Variants in ZFTA observed in about 807,000 individuals in gnomAD.
ZFTA encodes the protein zinc finger translocation-associated protein.
ZFTA carries 35 observed loss-of-function variants against 41.8 expected under a neutral mutation model. The ratio of observed to expected loss-of-function variants is 0.84; its 90% CI spans 0.64 to 1.11. The LOEUF (loss-of-function observed/expected upper bound fraction) is 1.11, where lower values mean the gene tolerates loss of function less well. Among genes scored for constraint, ZFTA ranks in the 50% most tolerant of loss-of-function variants. ZFTA has a pLI of 0.00. For synonymous variants in ZFTA, 514 were observed against 436.4 expected, an observed-to-expected ratio of 1.18 and a Z score of -2.22; for missense variants, 964 against 989.8, an observed-to-expected ratio of 0.97 and a Z score of 0.35.
At position 63,766,060 on chromosome 11, in the gene ZFTA, C is replaced by T; in HGVS notation, c.384G>A (p.Val128=). The change falls in exon 2 of 5, where the codon GTG becomes GTA. Residue 128 remains valine, a synonymous_variant. Coordinates refer to ENST00000433688, the MANE Select transcript of ZFTA (RefSeq NM_001144936.2). ...NPARHGMVCM[V]CGSSLATLKL... ...TGAGGGTGGCCAGGGAGCTGCCGCA[C>T]ACCATGCACACCATGCCGTGCCGGG... The T allele has an allele frequency of 6.5e-7, 1 of 1,545,540 alleles. No homozygotes were observed. The highest frequency in any genetic ancestry group is 1.2e-5 in the South Asian group (1 of 83,262).
rs2014680595 is a variant in ZFTA at position 63,763,321 on chromosome 11, G to T, written c.*97C>A. 3.2e-6 allele frequency: 3 copies of T among 946,616 alleles called. No homozygotes were observed. Among genetic ancestry groups the T allele is most frequent in the Non-Finnish European group, 4.0e-6 (3 of 759,208 alleles). 58.6% of individuals were successfully genotyped at this position (946,616 alleles called of 1,614,324 possible). A position where few individuals can be genotyped will look rare whatever the true frequency, so the allele number is the denominator to read the frequency against. Reference sequence around the variant, plus strand: ...CGCGGCCGCGGGAAGCGCTAACACCGGACGCGAGGGTCTCCCAGCCGAAGG... The same window carrying T: ...CGCGGCCGCGGGAAGCGCTAACACCTGACGCGAGGGTCTCCCAGCCGAAGG... On this transcript the variant is annotated 3_prime_UTR_variant, in exon 5 of 5. Coordinates refer to ENST00000433688, the MANE Select transcript of ZFTA (RefSeq NM_001144936.2).
At chr11:63,766,386 A>T (rs1391454983) in intron 1 of ZFTA, 82 bp from the exon 2 acceptor site, 3 of 1,393,904 alleles carry the variant, frequency 2.2e-6, no homozygotes, top group Non-Finnish European at 2.8e-6. Flanking sequence ...GAGCCCTGAG[A>T]AAGGGAGCTG....
rs758707589 is a variant in ZFTA, at chr11:63,764,991, G to C, written c.901C>G (p.Arg301Gly). 70 of 1,548,756 alleles carry C rather than the reference G, an allele frequency of 4.5e-5. No individual in the cohort carries two copies. The highest frequency in any genetic ancestry group is 5.9e-5 in the Non-Finnish European group (68 of 1,146,578). ...GGGTGCACCTCCAGCACGTGGGCACGGATGTCGTCCAGGTGCAGGCTGGGC... is the reference window on the plus strand; with the variant it reads ...GGGTGCACCTCCAGCACGTGGGCACCGATGTCGTCCAGGTGCAGGCTGGGC... Reference protein sequence around the residue: ...ALPSLHLDDIRAHVLEVHPGS... With the variant: ...ALPSLHLDDIGAHVLEVHPGS... The change falls in exon 3 of 5, where the codon CGT (arginine) becomes GGT (glycine). Residue 301 changes from arginine (R) to glycine (G), a missense_variant. By Grantham distance (125) the Arg-to-Gly change is moderately radical. This residue lies in a region of ZFTA where 584 missense variants were observed against 523.1 expected (regional missense o/e 1.12). Coordinates refer to ENST00000433688, the MANE Select transcript of ZFTA (RefSeq NM_001144936.2).
rs1159105314 is a variant in ZFTA at position 63,764,081 on chromosome 11, TCCC to T, written c.1539_1541del (p.Gly515del). The stretch of plus-strand genomic sequence containing the variant: ...CCTCTGGCTCCTCCTCCTCGTCCCC[TCCC>T]CCCTCGTCGGAGGCTGCGGCAGTGC... On this transcript the variant is annotated inframe_deletion, in exon 4 of 5. Transcript: ENST00000433688. 1 of 1,320,054 alleles carries T rather than the reference TCCC, an allele frequency of 7.6e-7. No homozygotes were observed. The highest frequency in any genetic ancestry group is 1.6e-5 in the African/African-American group (1 of 61,982). 81.8% of individuals were successfully genotyped at this position (1,320,054 alleles called of 1,614,324 possible).
chr11:63,763,600 G>C lies in ZFTA; in HGVS notation c.1855C>G (p.Arg619Gly). The C allele has an allele frequency of 6.5e-7, 1 of 1,548,872 alleles. No individual in the cohort carries two copies. Among genetic ancestry groups the C allele is most frequent in the Non-Finnish European group, 8.7e-7 (1 of 1,145,572 alleles). ...AAGGGGTGCACCTGCAGGATGTGGC[G>C]CTTGATGGTGCTCACCTTGAGCGTG... ...LATLKVSTIK[R>G]HILQVHPFSM... The change falls in exon 5 of 5, where the codon CGC (arginine) becomes GGC (glycine). Residue 619 changes from arginine to glycine, a missense_variant. This residue lies in a region of ZFTA where 63 missense variants were observed against 97.8 expected (regional missense o/e 0.64). Coordinates refer to ENST00000433688, the MANE Select transcript of ZFTA (RefSeq NM_001144936.2).
chr11:63,763,591 G>A lies in ZFTA; in HGVS notation c.1864C>T (p.Leu622=). The change falls in exon 5 of 5, where the codon CTG becomes TTG. Residue 622 remains leucine, a synonymous_variant. Coordinates refer to ENST00000433688, the MANE Select transcript of ZFTA (RefSeq NM_001144936.2). The part of the protein sequence containing the change: ...LKVSTIKRHI[L]QVHPFSMDFT... ...TCCATGGAGAAGGGGTGCACCTGCA[G>A]GATGTGGCGCTTGATGGTGCTCACC... 4 of 1,548,904 alleles carry A rather than the reference G, an allele frequency of 2.6e-6. No homozygotes were observed. Among genetic ancestry groups the A allele is most frequent in the Non-Finnish European group, 3.5e-6 (4 of 1,145,514 alleles).
In ZFTA at chr11:63,762,311, A is replaced by C. The variant is rs2014656480; in HGVS notation, c.*1107T>G. 1 of 152,272 alleles carries C rather than the reference A, an allele frequency of 6.6e-6. No individual in the cohort carries two copies. The highest frequency in any genetic ancestry group is 2.4e-5 in the African/African-American group (1 of 41,446). The allele number at this position is 152,272 out of a possible 1,614,324, so 9.4% of individuals were successfully genotyped here. A position where few individuals can be genotyped will look rare whatever the true frequency, so the allele number is the denominator to read the frequency against. Reference sequence around the variant, plus strand: ...CCTTTCATATAAAAGCATTAAATACAGTTTCAAAATAAAATACAAAGAGCA... The same window carrying C: ...CCTTTCATATAAAAGCATTAAATACCGTTTCAAAATAAAATACAAAGAGCA... On this transcript the variant is annotated 3_prime_UTR_variant, in exon 5 of 5. Coordinates refer to ENST00000433688, the MANE Select transcript of ZFTA (RefSeq NM_001144936.2).
chr11:63,763,962 A>G (rs2014698419), intron 4 of ZFTA, 76 bp downstream of exon 4: 1 of 1,336,698 alleles, frequency 7.5e-7, no homozygotes, highest in Non-Finnish European at 9.7e-7. Context: ...TTGCCCTTCT[A>G]TCCCATCCTC....
At position 63,765,842 on chromosome 11, in the gene ZFTA, CCCTCCTCCTCCTCCTCTTCTTCCTCCT is replaced by C. The variant is rs962110368; in HGVS notation, c.575_601del (p.Glu192_Glu200del). On this transcript the variant is annotated inframe_deletion, in exon 2 of 5. Transcript: ENST00000433688. This position sits in a 1 kb window ranked among gnomAD's most constrained non-coding sequence, Gnocchi z 4.0. The stretch of plus-strand genomic sequence containing the variant: ...GGGCGGGCAAGCTGGGACACCGGCC[CCCTCCTCCTCCTCCTCTTCTTCCTCCT>C]CCTCCTCCTCCTCAGCCCCCTGGAC... The C allele has an allele frequency of 1.5e-5, 22 of 1,492,774 alleles. No homozygotes were observed. In the East Asian group the frequency reaches 1.7e-4, roughly 12 times the overall value. The allele number at this position is 1,492,774 out of a possible 1,614,324, so 92.5% of individuals were successfully genotyped here. A position where few individuals can be genotyped will look rare whatever the true frequency, so the allele number is the denominator to read the frequency against.
intron 1 of ZFTA, among the ~76,000 whole-genome samples, chr11:63,766,960 G>C (rs758975340): frequency 1.3e-5 from 2 of 152,226 alleles, no homozygotes; most frequent in Non-Finnish European, 2.9e-5. Context: ...CCAGATTCTG[G>C]AGGAGCCAAT....
chr11:63,764,081 T>C lies in ZFTA; in HGVS notation c.1542A>G (p.Gly514=). The C allele has an allele frequency of 1.5e-6, 2 of 1,320,202 alleles. No individual in the cohort carries two copies. Among genetic ancestry groups the C allele is most frequent in the Non-Finnish European group, 9.6e-7 (1 of 1,038,846 alleles). 81.8% of individuals were successfully genotyped at this position (1,320,202 alleles called of 1,614,324 possible). The change falls in exon 4 of 5, where the codon GGA becomes GGG. Residue 514 remains glycine, a synonymous_variant. Transcript: ENST00000433688. ...PGTAAASDEG[G]GDEEEEPEEE... Reference sequence around the variant, plus strand: ...CCTCTGGCTCCTCCTCCTCGTCCCCTCCCCCCTCGTCGGAGGCTGCGGCAG... The same window carrying C: ...CCTCTGGCTCCTCCTCCTCGTCCCCCCCCCCCTCGTCGGAGGCTGCGGCAG...
Position 63,765,195 on chromosome 11 carries a change from G to A in ZFTA, c.697C>T (p.Arg233Trp), listed in dbSNP as rs762526347. Residue 233 changes from arginine (R) to tryptophan (W), a missense_variant, in exon 3 of 5, where the codon CGG becomes TGG. Around this residue, in one of 5 missense-constraint regions of ZFTA, gnomAD observed 584 missense variants for 523.1 expected, o/e 1.12. Transcript: ENST00000433688. This position sits in a 1 kb window ranked among gnomAD's most constrained non-coding sequence, Gnocchi z 4.0. ...RQRRGGPVAPRARRLRLSASR... is the reference protein window; with the variant it reads ...RQRRGGPVAPWARRLRLSASR... Reference sequence around the variant, plus strand: ...GCTGAGAGGCGCAGACGCCGAGCCCGGGGTGCCACTGGGCCCCCTCGCCGC... The same window carrying A: ...GCTGAGAGGCGCAGACGCCGAGCCCAGGGTGCCACTGGGCCCCCTCGCCGC... 88 of 1,507,608 alleles carry A rather than the reference G, an allele frequency of 5.8e-5. No individual in the cohort carries two copies. Among genetic ancestry groups the A allele is most frequent in the East Asian group, 1.0e-4 (4 of 39,958 alleles). 93.4% of individuals were successfully genotyped at this position (1,507,608 alleles called of 1,614,324 possible).
chr11:63,761,540 G>A lies in ZFTA; in HGVS notation c.*1878C>T, dbSNP rs1590907692. Reference sequence around the variant, plus strand: ...TGACAAATTTTAATAACTGACCAGCGAATTGGGAAGCAGTGTGGCATCGTG... The same window carrying A: ...TGACAAATTTTAATAACTGACCAGCAAATTGGGAAGCAGTGTGGCATCGTG... On this transcript the variant is annotated 3_prime_UTR_variant, in exon 5 of 5. Transcript: ENST00000433688. 1 of 152,168 alleles carries A rather than the reference G, an allele frequency of 6.6e-6. No homozygotes were observed. Among genetic ancestry groups the A allele is most frequent in the African/African-American group, 2.4e-5 (1 of 41,396 alleles). 9.4% of individuals were successfully genotyped at this position (152,168 alleles called of 1,614,324 possible). A position where few individuals can be genotyped will look rare whatever the true frequency, so the allele number is the denominator to read the frequency against.
Position 63,765,190 on chromosome 11 carries a change from AGCCCGGGGT to A in ZFTA, c.693_701del (p.Pro232_Ala234del). The stretch of plus-strand genomic sequence containing the variant: ...GGGAGGCTGAGAGGCGCAGACGCCG[AGCCCGGGGT>A]GCCACTGGGCCCCCTCGCCGCTGGC... On this transcript the variant is annotated inframe_deletion, in exon 3 of 5. Transcript: ENST00000433688. The surrounding 1 kb of genome is among the most constrained non-coding windows in gnomAD (Gnocchi z 4.0). 1 of 1,512,884 alleles carries A rather than the reference AGCCCGGGGT, an allele frequency of 6.6e-7. No homozygotes were observed. The highest frequency in any genetic ancestry group is 8.8e-7 in the Non-Finnish European group (1 of 1,133,648). 93.7% of individuals were successfully genotyped at this position (1,512,884 alleles called of 1,614,324 possible).
chr11:63,764,147 C>T lies in ZFTA; in HGVS notation c.1476G>A (p.Pro492=). 2 of 1,351,642 alleles carry T rather than the reference C, an allele frequency of 1.5e-6. No homozygotes were observed. The highest frequency in any genetic ancestry group is 1.9e-6 in the Non-Finnish European group (2 of 1,058,194). The allele number at this position is 1,351,642 out of a possible 1,614,324, so 83.7% of individuals were successfully genotyped here. ...GGCCCTGGGGGGACTCGGGGCGGGG[C>T]GGCCCCAGGGCCAGCAGGTGGGCGG... ...EKAAHLLALG[P]PRPESPQGPI... The change falls in exon 4 of 5, where the codon CCG becomes CCA. Residue 492 remains proline (P), a synonymous_variant. Coordinates refer to ENST00000433688, the MANE Select transcript of ZFTA (RefSeq NM_001144936.2).
chr11:63,763,497 T>A lies in ZFTA; in HGVS notation c.1958A>T (p.His653Leu). The A allele has an allele frequency of 6.5e-7, 1 of 1,533,400 alleles. No individual in the cohort carries two copies. 95.0% of individuals were successfully genotyped at this position (1,533,400 alleles called of 1,614,324 possible). A position where few individuals can be genotyped will look rare whatever the true frequency, so the allele number is the denominator to read the frequency against. ...CGGGGCGGGCGGCCCGAAGCCCTCG[T>A]GGCCGTAGCAGCGCAGCGCCGCCTC... ...YEEAALRCYG[H>L]EGFGPPAPAP... Residue 653 changes from histidine (H) to leucine (L), a missense_variant, in exon 5 of 5, where the codon CAC (histidine) becomes CTC (leucine). His to Leu is a moderately conservative substitution (Grantham distance 99, BLOSUM62 -3). Transcript: ENST00000433688.
rs964567192 is a variant in ZFTA, at chr11:63,760,388, T to C, written c.*3030A>G. On this transcript the variant is annotated 3_prime_UTR_variant, in exon 5 of 5. Coordinates refer to ENST00000433688, the MANE Select transcript of ZFTA (RefSeq NM_001144936.2). ...CTGGCTTTTAAAAATGTATTCAACA[T>C]ACCTCTTAGAAAACTTAGGCTGAAA... is the stretch of plus-strand genomic sequence containing the variant. The C allele has an allele frequency of 2.0e-5, 3 of 152,238 alleles. No homozygotes were observed. The highest frequency in any genetic ancestry group is 7.2e-5 in the African/African-American group (3 of 41,460). The allele number at this position is 152,238 out of a possible 1,614,324, so 9.4% of individuals were successfully genotyped here. A position where few individuals can be genotyped will look rare whatever the true frequency, so the allele number is the denominator to read the frequency against.
At chr11:63,764,010 C>G in intron 4 of ZFTA, 28 bp downstream of exon 4, 1 of 1,310,998 alleles carries the variant, frequency 7.6e-7, no homozygotes, top group Non-Finnish European at 9.9e-7. Flanking sequence ...GGCTCTCCCT[C>G]TCCGCCTGCT....
In ZFTA at chr11:63,766,232, C is replaced by T; in HGVS notation, c.212G>A (p.Arg71Lys). Residue 71 changes from arginine (R) to lysine (K), a missense_variant, in exon 2 of 5, where the codon AGG becomes AAG. Physicochemically the swap from Arg to Lys is conservative, Grantham distance 26 (BLOSUM62 2). Transcript: ENST00000433688. ...GSAPLPSSRA[R>K]GPASSGRKYS... ...TTTCCTGCCTGAAGATGCTGGTCCC[C>T]TGGCCCTGGAGGAGGGCAGGGGGGC... 4 of 1,533,548 alleles carry T rather than the reference C, an allele frequency of 2.6e-6. No homozygotes were observed. The highest frequency in any genetic ancestry group is 3.5e-6 in the Non-Finnish European group (4 of 1,140,274). The allele number at this position is 1,533,548 out of a possible 1,614,324, so 95.0% of individuals were successfully genotyped here.
Sources: allele counts gnomAD v4.1 joint callset (sites outside exome capture counted in the v4.1 genomes callset), GRCh38; gene constraint gnomAD v4.1.1; regional missense constraint gnomAD v4.1.1; non-coding constraint Gnocchi (gnomAD v3.1); transcripts MANE v1.5; gene names NCBI Gene and HGNC (gene_info 2026-07-23, HGNC 2026-07-21).